Variants in DGKK observed in about 807,000 individuals in gnomAD.
The protein encoded by DGKK is diacylglycerol kinase kappa.
DGKK carries 35 observed loss-of-function variants against 92.2 expected under a neutral mutation model. The ratio of observed to expected loss-of-function variants is 0.38; its 90% CI spans 0.29 to 0.50. The LOEUF is 0.50. Ranked by LOEUF, DGKK falls within the 20% of genes least tolerant of loss-of-function variation. The probability of loss-of-function intolerance (pLI) is 0.92; values close to 1 mark genes in which losing one functional copy is unlikely to be tolerated. For missense variants in DGKK, 910 were observed against 992.2 expected (o/e 0.92, Z 1.11); for synonymous variants, 368 against 360.6 (o/e 1.02, Z -0.23).
Position 50,377,441 on chromosome X carries a change from G to A in DGKK, c.3112-523C>T, listed in dbSNP as rs374148536. On this transcript the variant is annotated intron_variant, in intron 22 of 27. Coordinates refer to ENST00000611977, the MANE Select transcript of DGKK (RefSeq NM_001013742.4). ...GGGAATAAGTGTATCCACCTCATAA[G>A]ATTGTGGAGAGAACCTACATGAGAG... Among the ~76,000 whole-genome samples, 94 of 112,564 alleles carry A rather than the reference G, an allele frequency of 8.4e-4. No individual in the cohort carries two copies. The East Asian group carries it at 0.018, about 21-fold the overall frequency.
chrX:50,465,783 T>A (rs782738523), intron 1 of DGKK, among the ~76,000 whole-genome samples: 2 of 110,992 alleles, frequency 1.8e-5, no homozygotes, highest in Admixed American at 1.9e-4. Flanking sequence ...GTCAGATTTT[T>A]AAAAAAATCT....
intron 7 of DGKK, among the ~76,000 whole-genome samples, chrX:50,402,176 G>A (rs1207616234): frequency 2.7e-5 from 3 of 111,738 alleles, no homozygotes; most frequent in Non-Finnish European, 5.6e-5. Context: ...GGGAGGCCAA[G>A]GTAGGAGGAT....
At chrX:50,406,538 C>T (rs782181934) in intron 4 of DGKK, among the ~76,000 whole-genome samples, 1 of 111,748 alleles carries the variant, frequency 8.9e-6, no homozygotes, top group African/African-American at 3.3e-5. Flanking sequence ...TGGACACAGA[C>T]AGGCACACAC....
At chrX:50,412,798 A>C (rs1925335742) in intron 4 of DGKK, among the ~76,000 whole-genome samples, 1 of 112,009 alleles carries the variant, frequency 8.9e-6, no homozygotes, top group Admixed American at 9.4e-5. Context: ...TTGGCTGGAT[A>C]TCCACATACA....
intron 1 of DGKK, among the ~76,000 whole-genome samples, chrX:50,424,985 T>C (rs1925696981): frequency 2.7e-5 from 3 of 112,129 alleles, no homozygotes; most frequent in African/African-American, 9.7e-5. Flanking sequence ...ACCACTGATT[T>C]TTCAGTTACC....
At chrX:50,422,882 C>G (rs1925635010) in intron 2 of DGKK, among the ~76,000 whole-genome samples, 1 of 112,161 alleles carries the variant, frequency 8.9e-6, no homozygotes, top group Non-Finnish European at 1.9e-5. Flanking sequence ...CCTAGAGAAA[C>G]AGATTGTGAT....
intron 1 of DGKK, among the ~76,000 whole-genome samples, chrX:50,457,529 A>G (rs1394942221): frequency 2.7e-5 from 3 of 111,988 alleles, no homozygotes; most frequent in Non-Finnish European, 5.6e-5. Context: ...GTACTGTTTT[A>G]TGTGCATTTG....
chrX:50,447,836 G>A (rs892200566), intron 1 of DGKK, among the ~76,000 whole-genome samples: 20 of 109,738 alleles, frequency 1.8e-4, no homozygotes, highest in African/African-American at 6.3e-4. Flanking sequence ...TATTCTTTTC[G>A]GAAATCTTTC....
At chrX:50,447,346 TATATATATATA>T (rs1310521104) in intron 1 of DGKK, among the ~76,000 whole-genome samples, 465 of 9,776 alleles carry the variant, frequency 0.048, 8 homozygotes, top group East Asian at 0.13. Flanking sequence ...ATATATATTA[TATATATATATA>T]ATATATATAT....
rs148702980 is a variant in DGKK at position 50,458,763 on chromosome X, T to A, written c.645+11271A>T. Among the ~76,000 whole-genome samples the A allele has an allele frequency of 4.2e-3, 462 of 111,055 alleles. 3 individuals carry two copies. Among genetic ancestry groups the A allele is most frequent in the African/African-American group, 0.014 (438 of 30,615 alleles). On this transcript the variant is annotated intron_variant, in intron 1 of 27. Transcript: ENST00000611977. The stretch of plus-strand genomic sequence containing the variant: ...CTGAGTCTACTTGCCAGGGAATCTG[T>A]TGTCTTTAAAATTTCAATAGGACTT...
intron 26 of DGKK, among the ~76,000 whole-genome samples, chrX:50,371,330 A>G (rs1924120181): frequency 8.9e-6 from 1 of 112,231 alleles, no homozygotes; most frequent in Admixed American, 9.4e-5. Context: ...TTGGCTGTAA[A>G]CTGGCATGGC....
At chrX:50,447,177 TTG>T (rs1926329598) in intron 1 of DGKK, among the ~76,000 whole-genome samples, 1 of 92,717 alleles carries the variant, frequency 1.1e-5, no homozygotes, top group Non-Finnish European at 2.1e-5. Flanking sequence ...AGCATGACTA[TTG>T]TGTGTGTATA....
At chrX:50,411,821 A>C (rs1557228005) in intron 4 of DGKK, among the ~76,000 whole-genome samples, 17 of 112,009 alleles carry the variant, frequency 1.5e-4, no homozygotes. Context: ...ATATTTAAAA[A>C]AACCTAAAGA....
chrX:50,424,174 A>G lies in DGKK; in HGVS notation c.756+74T>C, dbSNP rs959357484. ...AATGTTTGCTGACATGTCTTTACTT[A>G]TTAGTCCATCTTCCCACACAAAGGT... On this transcript the variant is annotated intron_variant, in intron 2 of 27. Transcript: ENST00000611977. The G allele has an allele frequency of 4.1e-4, 386 of 944,566 alleles. 5 individuals are homozygous for G. The East Asian group carries it at 0.012, about 29-fold the overall frequency. The allele number at this position is 944,566 out of a possible 1,213,427, so 77.8% of individuals were successfully genotyped here. A position where few individuals can be genotyped will look rare whatever the true frequency, so the allele number is the denominator to read the frequency against.
At chrX:50,464,845 G>A (rs1189409673) in intron 1 of DGKK, among the ~76,000 whole-genome samples, 1 of 111,269 alleles carries the variant, frequency 9.0e-6, no homozygotes, top group Non-Finnish European at 1.9e-5. Context: ...TGTATCCACA[G>A]TGTTGTGCAC....
At position 50,436,135 on chromosome X, in the gene DGKK, G is replaced by A. The variant is rs150052043; in HGVS notation, c.646-11777C>T. Among the ~76,000 whole-genome samples the A allele has an allele frequency of 3.6e-3, 399 of 112,165 alleles. 2 individuals carry two copies. The highest frequency in any genetic ancestry group is 3.9e-3 in the Non-Finnish European group (206 of 53,200). On this transcript the variant is annotated intron_variant, in intron 1 of 27. Transcript: ENST00000611977. ...TGGTTCCACAGAAATTACTGGCCAG[G>A]TAACAAAGCTGAAAAGCTGTACCAA... is the stretch of plus-strand genomic sequence containing the variant.
Position 50,412,786 on chromosome X carries a change from T to A in DGKK, c.942+7617A>T, listed in dbSNP as rs1233164280. Among the ~76,000 whole-genome samples the A allele has an allele frequency of 1.9e-4, 21 of 112,040 alleles. No individual in the cohort carries two copies. In the Admixed American group the frequency reaches 1.9e-3, roughly 10 times the overall value. On this transcript the variant is annotated intron_variant, in intron 4 of 27. Transcript: ENST00000611977. ...AAAGGACAGTCTTTTCAATAAATGA[T>A]GTTGGCTGGATATCCACATACAGGA...
At position 50,384,806 on chromosome X, in the gene DGKK, C is replaced by G; in HGVS notation, c.2366G>C (p.Arg789Thr). The change falls in exon 16 of 28, where the codon AGA (arginine) becomes ACA (threonine). Residue 789 changes from arginine (R) to threonine (T), a missense_variant. Coordinates refer to ENST00000611977, the MANE Select transcript of DGKK (RefSeq NM_001013742.4). ...AAAGTTCTTAACAGATATTGTCTGTCTGCTTTCCTCATCCAGAGCTATAGA... is the reference window on the plus strand; with the variant it reads ...AAAGTTCTTAACAGATATTGTCTGTGTGCTTTCCTCATCCAGAGCTATAGA... ...QVEQALDEES[R>T]QTISVKNFSS... 3 of 1,205,948 alleles carry G rather than the reference C, an allele frequency of 2.5e-6. No individual in the cohort carries two copies. Among genetic ancestry groups the G allele is most frequent in the Non-Finnish European group, 3.4e-6 (3 of 891,837 alleles).
At chrX:50,411,835 T>C (rs782224184) in intron 4 of DGKK, among the ~76,000 whole-genome samples, 1 of 111,920 alleles carries the variant, frequency 8.9e-6, no homozygotes, top group South Asian at 3.7e-4. Flanking sequence ...CTAAAGACTC[T>C]ACCAAAAAAC....
Sources: allele counts gnomAD v4.1 joint callset (sites outside exome capture counted in the v4.1 genomes callset), GRCh38; gene constraint gnomAD v4.1.1; transcripts MANE v1.5; gene names NCBI Gene and HGNC (gene_info 2026-07-23, HGNC 2026-07-21).